ANKS1B: variants seen among roughly 807,000 people sequenced by gnomAD.
ANKS1B encodes the protein ankyrin repeat and sterile alpha motif domain-containing protein 1B.
Under a neutral mutation model 148.3 loss-of-function variants are expected in ANKS1B, and 36 were observed. That is an observed-to-expected ratio of 0.24 (90% CI 0.19 to 0.32). The LOEUF is 0.32. Among genes scored for constraint, ANKS1B ranks in the 10% least tolerant of loss-of-function variants. ANKS1B has a pLI of 1.00. For synonymous variants in ANKS1B, 542 were observed against 560.8 expected (o/e 0.97, Z 0.47); for missense variants, 1,157 against 1,542.6 (o/e 0.75, Z 4.19).
chr12:99,815,671 G>A (rs1352364363), intron 2 of ANKS1B, among the ~76,000 whole-genome samples: 2 of 141,872 alleles, frequency 1.4e-5, no homozygotes, highest in Non-Finnish European at 3.2e-5. Flanking sequence ...AGTCCCCACA[G>A]TCCATTATAT....
At chr12:99,648,684 T>C in intron 9 of ANKS1B, 1 of 1,614,112 alleles carries the variant, frequency 6.2e-7, no homozygotes, top group African/African-American at 1.3e-5. Context: ...AAAACCTTGT[T>C]TACATCCTGA....
chr12:99,466,134 T>C (rs1475327312), intron 10 of ANKS1B, among the ~76,000 whole-genome samples: 19 of 152,194 alleles, frequency 1.2e-4, no homozygotes, highest in Non-Finnish European at 1.5e-5. Context: ...ATTAAGAAAC[T>C]CACTCAAAAC....
intron 22 of ANKS1B, among the ~76,000 whole-genome samples, chr12:98,783,403 C>T (rs1168771404): frequency 6.6e-6 from 1 of 152,162 alleles, no homozygotes; most frequent in African/African-American, 2.4e-5. Context: ...GACGAGGCGG[C>T]CCAGGGGCTA....
chr12:98,905,246 T>G (rs1320945528), intron 17 of ANKS1B, among the ~76,000 whole-genome samples: 1 of 152,226 alleles, frequency 6.6e-6, no homozygotes, highest in African/African-American at 2.4e-5. Flanking sequence ...ACACTGCAGC[T>G]ACTACGCTGG....
At chr12:99,409,226 G>A (rs533812521) in intron 11 of ANKS1B, among the ~76,000 whole-genome samples, 6 of 152,274 alleles carry the variant, frequency 3.9e-5, no homozygotes, top group Admixed American at 1.3e-4. Context: ...AAGTCATTAC[G>A]TTAAGTGAAA....
chr12:99,731,624 T>C (rs2059168861), intron 8 of ANKS1B, among the ~76,000 whole-genome samples: 1 of 152,064 alleles, frequency 6.6e-6, no homozygotes, highest in Non-Finnish European at 1.5e-5. Context: ...ATGGGAAAAA[T>C]GAAACTCAAC....
At chr12:99,627,244 C>G (rs1418976945) in intron 9 of ANKS1B, among the ~76,000 whole-genome samples, 3 of 152,050 alleles carry the variant, frequency 2.0e-5, no homozygotes, top group African/African-American at 7.2e-5. Context: ...ATGTTCTTTA[C>G]CTTTTTATGT....
In ANKS1B at chr12:99,702,050, A is replaced by G. The variant is rs377658031; in HGVS notation, c.1129-46840T>C. On this transcript the variant is annotated intron_variant, in intron 8 of 26. Coordinates refer to ENST00000683438, the MANE Select transcript of ANKS1B (RefSeq NM_001352186.2). ...TACTGATTTCCTTTCTTTTGAGTTT[A>G]TATCTAGCAGTGGGATTGCTGGATC... is the stretch of plus-strand genomic sequence containing the variant. Among the ~76,000 whole-genome samples, 94 of 152,240 alleles carry G rather than the reference A, an allele frequency of 6.2e-4. 3 individuals are homozygous for G. The South Asian group carries it at 0.019, about 31-fold the overall frequency.
chr12:99,159,406 T>G (rs74942861), intron 14 of ANKS1B, among the ~76,000 whole-genome samples: 135 of 152,274 alleles, frequency 8.9e-4, no homozygotes, highest in African/African-American at 3.0e-3. Flanking sequence ...AGTCCCCACT[T>G]TCTATTGATG....
intron 11 of ANKS1B, among the ~76,000 whole-genome samples, chr12:99,431,217 A>G (rs577574959): frequency 6.6e-6 from 1 of 152,350 alleles, no homozygotes; most frequent in African/African-American, 2.4e-5. Flanking sequence ...ATCTAAAGAT[A>G]CTTATTTTTC....
rs149753431 is a variant in ANKS1B at position 99,849,631 on chromosome 12, T to C, written c.135-24242A>G. Among the ~76,000 whole-genome samples, 1,211 of 152,212 alleles carry C rather than the reference T, an allele frequency of 8.0e-3. 14 individuals carry two copies. The highest frequency in any genetic ancestry group is 0.028 in the African/African-American group (1,146 of 41,562). Reference sequence around the variant, plus strand: ...CAATAGTAGAAAGAATAAACTGTAGTACATTCACAAAGAATACTACACAGC... The same window carrying C: ...CAATAGTAGAAAGAATAAACTGTAGCACATTCACAAAGAATACTACACAGC... On this transcript the variant is annotated intron_variant, in intron 1 of 26. Coordinates refer to ENST00000683438, the MANE Select transcript of ANKS1B (RefSeq NM_001352186.2).
At chr12:99,507,156 G>C (rs1470285162) in intron 9 of ANKS1B, among the ~76,000 whole-genome samples, 1 of 151,742 alleles carries the variant, frequency 6.6e-6, no homozygotes, top group Non-Finnish European at 1.5e-5. Flanking sequence ...TCACCAGTTT[G>C]CATATAAAAA....
At chr12:99,736,108 T>C (rs945058636) in intron 8 of ANKS1B, among the ~76,000 whole-genome samples, 2 of 151,978 alleles carry the variant, frequency 1.3e-5, no homozygotes, top group African/African-American at 4.8e-5. Context: ...AAGGTAGATA[T>C]CTCAGCATAA....
intron 14 of ANKS1B, among the ~76,000 whole-genome samples, chr12:99,241,362 T>C (rs908230304): frequency 2.6e-5 from 4 of 152,158 alleles, no homozygotes; most frequent in Admixed American, 6.5e-5. Context: ...AAGTTGAATC[T>C]CTGAATAGAC....
chr12:98,826,997 C>T (rs2099254471), intron 19 of ANKS1B, among the ~76,000 whole-genome samples: 1 of 152,052 alleles, frequency 6.6e-6, no homozygotes, highest in Admixed American at 6.5e-5. Flanking sequence ...AAACAAACAT[C>T]AATTGAGTAG....
At chr12:99,923,633 G>T (rs1279778334) in intron 1 of ANKS1B, among the ~76,000 whole-genome samples, 1 of 152,184 alleles carries the variant, frequency 6.6e-6, no homozygotes, top group Non-Finnish European at 1.5e-5. Flanking sequence ...TCTTCGATGA[G>T]AAAATTTGGT....
At chr12:99,447,131 C>T (rs542831746) in intron 10 of ANKS1B, among the ~76,000 whole-genome samples, 1 of 152,078 alleles carries the variant, frequency 6.6e-6, no homozygotes, top group East Asian at 1.9e-4. Context: ...GACACATCAA[C>T]CAATGGAAAA....
chr12:99,588,152 A>C (rs1305194759), intron 9 of ANKS1B, among the ~76,000 whole-genome samples: 3 of 152,070 alleles, frequency 2.0e-5, no homozygotes, highest in Non-Finnish European at 2.9e-5. Flanking sequence ...GAAAAAAAAA[A>C]CAGTAAAATG....
intron 8 of ANKS1B, among the ~76,000 whole-genome samples, chr12:99,704,386 G>A (rs1483314573): frequency 1.3e-5 from 2 of 152,004 alleles, no homozygotes; most frequent in Non-Finnish European, 2.9e-5. Flanking sequence ...AATGAAATGA[G>A]TATCCCTAGG....
Sources: gnomAD v4.1 joint callset for allele counts (sites outside exome capture counted in the v4.1 genomes callset) on GRCh38, gnomAD v4.1.1 for gene constraint, MANE v1.5 for transcripts, NCBI Gene and HGNC (gene_info 2026-07-23, HGNC 2026-07-21) for gene names.